The following RNF11 variants were observed in gnomAD, a reference collection of about 807,000 sequenced individuals.
RNF11 encodes the protein ring finger protein 11.
Under a neutral mutation model 15.8 loss-of-function variants are expected in RNF11, and 4 were observed. That is an observed-to-expected ratio of 0.25 (90% CI 0.12 to 0.58). The LOEUF (loss-of-function observed/expected upper bound fraction) is 0.58, where lower values mean the gene tolerates loss of function less well. RNF11 is among the 20% of genes least tolerant of loss of function. RNF11 has a pLI of 0.91. For missense variants in RNF11, 139 were observed against 194.4 expected (o/e 0.71, Z 1.70); for synonymous variants, 68 against 72.3 (o/e 0.94, Z 0.30).
intron 1 of RNF11, among the ~76,000 whole-genome samples, chr1:51,259,008 C>T (rs752636116): frequency 6.6e-6 from 1 of 152,194 alleles, no homozygotes; most frequent in Non-Finnish European, 1.5e-5. Context: ...GACATGTATC[C>T]CATCCTTTAT....
chr1:51,271,036 C>A, intron 2 of RNF11, 115 bp from the exon 3 acceptor site: 1 of 851,108 alleles, frequency 1.2e-6, no homozygotes, highest in Non-Finnish European at 1.8e-6. Context: ...AGATGACAGG[C>A]AAAGCATTCT....
At chr1:51,251,689 C>T (rs1425700826) in intron 1 of RNF11, among the ~76,000 whole-genome samples, 2 of 152,164 alleles carry the variant, frequency 1.3e-5, no homozygotes, top group Non-Finnish European at 2.9e-5. Context: ...TGTCATCCCA[C>T]ACCTTTGGGA....
At chr1:51,242,566 C>T (rs537488660) in intron 1 of RNF11, among the ~76,000 whole-genome samples, 3 of 152,298 alleles carry the variant, frequency 2.0e-5, no homozygotes, top group East Asian at 1.9e-4. Flanking sequence ...TAACCCCCTT[C>T]CTTATAAAAA....
chr1:51,251,068 C>T (rs992398075), intron 1 of RNF11: 303 of 1,546,458 alleles, frequency 2.0e-4, no homozygotes, highest in Non-Finnish European at 2.4e-4. Flanking sequence ...ACACCCAGAC[C>T]GACGTGGCCA....
At chr1:51,248,115 T>A (rs1193792057) in intron 1 of RNF11, among the ~76,000 whole-genome samples, 2 of 149,404 alleles carry the variant, frequency 1.3e-5, no homozygotes, top group Non-Finnish European at 3.0e-5. Flanking sequence ...TTTTTTTTTT[T>A]TTTGAGATGG....
At chr1:51,262,626 C>T (rs971889390) in intron 1 of RNF11, among the ~76,000 whole-genome samples, 1 of 151,430 alleles carries the variant, frequency 6.6e-6, no homozygotes, top group African/African-American at 2.4e-5. Flanking sequence ...TGGCTTATTG[C>T]AATGCCACCT....
chr1:51,265,294 A>C (rs1646949651), intron 1 of RNF11: 1 of 150,846 alleles, frequency 6.6e-6, no homozygotes, highest in Admixed American at 6.6e-5. Context: ...ACTGCATTCC[A>C]GCCTGGGTGA....
At chr1:51,246,647 A>G (rs1646852811) in intron 1 of RNF11, among the ~76,000 whole-genome samples, 2 of 152,204 alleles carry the variant, frequency 1.3e-5, no homozygotes, top group African/African-American at 4.8e-5. Flanking sequence ...GCTTGCATCC[A>G]GGAGTTTGAG....
intron 1 of RNF11, among the ~76,000 whole-genome samples, chr1:51,245,908 A>G (rs923881560): frequency 1.3e-5 from 2 of 152,234 alleles, no homozygotes; most frequent in Non-Finnish European, 2.9e-5. Context: ...TTGTATCTGC[A>G]ATCAACCTCT....
intron 1 of RNF11, among the ~76,000 whole-genome samples, chr1:51,253,857 G>A (rs1173652612): frequency 6.6e-6 from 1 of 151,942 alleles, no homozygotes; most frequent in Non-Finnish European, 1.5e-5. Flanking sequence ...GATCTTGCCA[G>A]GCACAATGAC....
chr1:51,252,242 A>T (rs570136459), intron 1 of RNF11, among the ~76,000 whole-genome samples: 1 of 152,148 alleles, frequency 6.6e-6, no homozygotes, highest in African/African-American at 2.4e-5. Flanking sequence ...GGGTTAATCA[A>T]GTTTGTGTTA....
At chr1:51,249,950 G>C (rs1449858904) in intron 1 of RNF11, among the ~76,000 whole-genome samples, 1 of 152,110 alleles carries the variant, frequency 6.6e-6, no homozygotes, top group African/African-American at 2.4e-5. Flanking sequence ...TGCAGTAAAC[G>C]TTTTGCTGTA....
In RNF11 at chr1:51,272,688, A is replaced by G. The variant is rs570632964; in HGVS notation, c.*1366A>G. 4 of 152,276 alleles carry G rather than the reference A, an allele frequency of 2.6e-5. No individual in the cohort carries two copies. The highest frequency in any genetic ancestry group is 5.9e-5 in the Non-Finnish European group (4 of 67,990). 9.4% of individuals were successfully genotyped at this position (152,276 alleles called of 1,614,324 possible). On this transcript the variant is annotated 3_prime_UTR_variant, in exon 3 of 3. Transcript: ENST00000242719. The stretch of plus-strand genomic sequence containing the variant: ...ATTTTTTCATATGTACTCAAAGGTG[A>G]CTTATTGGTTCACCTCAGTGATATT...
At chr1:51,265,836 GCTTATTC>G (rs561470190) in intron 1 of RNF11, 2 of 147,520 alleles carry the variant, frequency 1.4e-5, no homozygotes, top group African/African-American at 5.0e-5. Context: ...TTACTTATCT[GCTTATTC>G]CTTACAATAC....
intron 1 of RNF11, among the ~76,000 whole-genome samples, chr1:51,248,205 C>CTTTTTT (rs71063020): frequency 1.8e-5 from 2 of 113,340 alleles, no homozygotes; most frequent in African/African-American, 3.3e-5. Flanking sequence ...TTTTCTTTTT[C>CTTTTTT]TTTTTTTTTT....
intron 1 of RNF11, among the ~76,000 whole-genome samples, chr1:51,268,784 A>C (rs1164975796): frequency 6.6e-6 from 1 of 152,244 alleles, no homozygotes; most frequent in South Asian, 2.1e-4. Flanking sequence ...TGAAGAACTC[A>C]GAGCTGGCAG....
At chr1:51,248,495 C>T (rs1646863098) in intron 1 of RNF11, among the ~76,000 whole-genome samples, 1 of 152,096 alleles carries the variant, frequency 6.6e-6, no homozygotes, top group Admixed American at 6.6e-5. Flanking sequence ...AGCCACGGCG[C>T]CCGGCCTCTA....
intron 1 of RNF11, among the ~76,000 whole-genome samples, chr1:51,256,125 G>A (rs1206436127): frequency 6.6e-6 from 1 of 152,074 alleles, no homozygotes; most frequent in Non-Finnish European, 1.5e-5. Context: ...CATTCTTGGT[G>A]TTGTACATGG....
intron 1 of RNF11, among the ~76,000 whole-genome samples, chr1:51,265,411 A>T (rs1238527141): frequency 6.6e-6 from 1 of 151,564 alleles, no homozygotes; most frequent in Admixed American, 6.6e-5. Context: ...ACCCCCTTCC[A>T]TGCTGCTGCA....
Sources: gnomAD v4.1 joint callset for allele counts (sites outside exome capture counted in the v4.1 genomes callset) on GRCh38, gnomAD v4.1.1 for gene constraint, MANE v1.5 for transcripts, NCBI Gene and HGNC (gene_info 2026-07-23, HGNC 2026-07-21) for gene names.